VIL1: variants seen among roughly 807,000 people sequenced by gnomAD.
The protein encoded by VIL1 is villin 1, also known as villin-1.
VIL1 carries 86 observed loss-of-function variants against 104.0 expected under a neutral mutation model. The ratio of observed to expected loss-of-function variants is 0.83; its 90% confidence interval spans 0.69 to 0.99. The LOEUF (loss-of-function observed/expected upper bound fraction) is 0.99, where lower values mean the gene tolerates loss of function less well. VIL1 is among the 50% of genes least tolerant of loss of function. The probability of loss-of-function intolerance (pLI) is 0.00; values close to 1 mark genes in which losing one functional copy is unlikely to be tolerated. For missense variants in VIL1, 944 were observed against 1,054.1 expected, an observed-to-expected ratio of 0.90 and a Z score of 1.45; for synonymous variants, 394 against 412.6, an observed-to-expected ratio of 0.95 and a Z score of 0.55.
Position 218,429,474 on chromosome 2 carries a change from C to A in VIL1, c.757C>A (p.Leu253Ile), listed in dbSNP as rs770991574. 10 of 1,613,830 alleles carry A rather than the reference C, an allele frequency of 6.2e-6. No individual in the cohort carries two copies. The highest frequency in any genetic ancestry group is 2.2e-5 in the South Asian group (2 of 91,086). ...TVVEPALKAA[L>I]KLYHVSDSEG... Reference sequence around the variant, plus strand: ...GGTGGAGCCGGCACTCAAGGCTGCACTCAAACTGTACCAGTGAGCGCCCAG... The same window carrying A: ...GGTGGAGCCGGCACTCAAGGCTGCAATCAAACTGTACCAGTGAGCGCCCAG... The change falls in exon 7 of 20, where the codon CTC becomes ATC. Residue 253 changes from leucine (L) to isoleucine (I), a missense_variant. Coordinates refer to ENST00000248444, the MANE Select transcript of VIL1 (RefSeq NM_007127.3).
At chr2:218,428,469 T>G (rs2106391533) in intron 6 of VIL1, 132 bp downstream of exon 6, 1 of 733,188 alleles carries the variant, frequency 1.4e-6, no homozygotes, top group Non-Finnish European at 2.4e-6. Flanking sequence ...ATGTGTTTGG[T>G]GCAGGCATGC....
chr2:218,432,723 C>A, intron 12 of VIL1, 70 bp from the exon 13 acceptor site: 1 of 1,588,604 alleles, frequency 6.3e-7, no homozygotes, highest in Non-Finnish European at 8.6e-7. Context: ...GGAGTTGTTG[C>A]TGAGGCTGAG....
Position 218,428,320 on chromosome 2 carries a change from C to G in VIL1, c.550C>G (p.Arg184Gly), listed in dbSNP as rs751755248. 2 of 1,613,996 alleles carry G rather than the reference C, an allele frequency of 1.2e-6. No individual in the cohort carries two copies. Among genetic ancestry groups the G allele is most frequent in the Non-Finnish European group, 1.7e-6 (2 of 1,180,014 alleles). The change falls in exon 6 of 20, where the codon CGT (arginine) becomes GGT (glycine). Residue 184 changes from arginine (R) to glycine (G), a missense_variant. Physicochemically the swap from Arg to Gly is moderately radical, Grantham distance 125. Coordinates refer to ENST00000248444, the MANE Select transcript of VIL1 (RefSeq NM_007127.3). ...CCAGTGGAATGGACCGGAAAGCACC[C>G]GTATGGAGAGACTCAGGGTAAACCT... is the stretch of plus-strand genomic sequence containing the variant. The part of the protein sequence containing the change: ...IIQWNGPEST[R>G]MERLRGMTLA...
intron 13 of VIL1, among the ~76,000 whole-genome samples, chr2:218,433,937 C>G (rs1182553417): frequency 6.6e-6 from 1 of 150,560 alleles, no homozygotes; most frequent in Admixed American, 6.6e-5. Context: ...TGGCTCACAA[C>G]TGTAATCCCA....
rs148353573 is a variant in VIL1 at position 218,429,401 on chromosome 2, C to A, written c.684C>A (p.His228Gln). ...ASPKLMEVMNHVLGKRRELKA... is the reference protein window; with the variant it reads ...ASPKLMEVMNQVLGKRRELKA... ...CGAAGCTGATGGAGGTGATGAACCA[C>A]GTGCTGGGCAAGCGCAGGGAGCTGA... The change falls in exon 7 of 20, where the codon CAC becomes CAA. Residue 228 changes from histidine (H) to glutamine (Q), a missense_variant. By Grantham distance (24) the His-to-Gln change is conservative. Coordinates refer to ENST00000248444, the MANE Select transcript of VIL1 (RefSeq NM_007127.3). 6.5e-3 allele frequency: 10,510 copies of A among 1,614,126 alleles called. 57 individuals carry two copies. Among genetic ancestry groups the A allele is most frequent in the Middle Eastern group, 0.015 (91 of 6,062 alleles).
At position 218,435,298 on chromosome 2, in the gene VIL1, G is replaced by A. The variant is rs755731799; in HGVS notation, c.1690G>A (p.Gly564Arg). The change falls in exon 15 of 20, where the codon GGG becomes AGG. Residue 564 changes from glycine (G) to arginine (R), a missense_variant. By Grantham distance (125) the Gly-to-Arg change is moderately radical (BLOSUM62 -2). Coordinates refer to ENST00000248444, the MANE Select transcript of VIL1 (RefSeq NM_007127.3). ...CTCTTTTTTTTCCTAGGGTTGTAGC[G>A]GGGACGAGCGGGAGATGGCCAAGAT... is the stretch of plus-strand genomic sequence containing the variant. ...CYLWCGKGCS[G>R]DEREMAKMVA... 12 of 1,613,686 alleles carry A rather than the reference G, an allele frequency of 7.4e-6. No homozygotes were observed. Among genetic ancestry groups the A allele is most frequent in the African/African-American group, 2.7e-5 (2 of 74,906 alleles).
At chr2:218,446,455 G>A (rs1288262224) in intron 19 of VIL1, among the ~76,000 whole-genome samples, 5 of 152,004 alleles carry the variant, frequency 3.3e-5, no homozygotes, top group African/African-American at 1.2e-4. Flanking sequence ...GGCTGGTCTC[G>A]AACTCATGAC....
At chr2:218,421,119 T>A (rs902589902) in intron 1 of VIL1, among the ~76,000 whole-genome samples, 8 of 151,820 alleles carry the variant, frequency 5.3e-5, no homozygotes, top group Non-Finnish European at 1.0e-4. Flanking sequence ...TAGAAGAGCA[T>A]GTTAGTGTCA....
rs1391287760 is a variant in VIL1 at position 218,432,050 on chromosome 2, G to A, written c.1208G>A (p.Trp403Ter). ...CTGGCCTGATACTGGCCCTAGGTGT[G>A]GCGCATTGAGAACCTAGAGCTGGTA... Reference protein sequence around the residue: ...VDDGSGEVQVWRIENLELVPV... With the variant: ...VDDGSGEVQV Residue 403 changes from tryptophan (W) to a stop codon, truncating the protein, a stop_gained, in exon 12 of 20, where the codon TGG (tryptophan) becomes TAG (stop). Transcript: ENST00000248444. LOFTEE classifies it high-confidence loss of function. 2 of 1,614,078 alleles carry A rather than the reference G, an allele frequency of 1.2e-6. No individual in the cohort carries two copies. The highest frequency in any genetic ancestry group is 1.7e-6 in the Non-Finnish European group (2 of 1,179,996).
intron 3 of VIL1, among the ~76,000 whole-genome samples, chr2:218,424,735 C>A (rs1309322398): frequency 6.6e-6 from 1 of 152,128 alleles, no homozygotes; most frequent in Non-Finnish European, 1.5e-5. Flanking sequence ...CGGCTCACTG[C>A]AACCTCCACT....
At position 218,425,739 on chromosome 2, in the gene VIL1, G is replaced by T; in HGVS notation, c.275G>T (p.Arg92Leu). 1.2e-6 allele frequency: 2 copies of T among 1,614,202 alleles called. No individual in the cohort carries two copies. Among genetic ancestry groups the T allele is most frequent in the Non-Finnish European group, 1.7e-6 (2 of 1,180,032 alleles). The change falls in exon 4 of 20, where the codon CGG becomes CTG. Residue 92 changes from arginine (R) to leucine (L), a missense_variant. Coordinates refer to ENST00000248444, the MANE Select transcript of VIL1 (RefSeq NM_007127.3). ...CAGATGGATGACTTCCTGAAGGGCCGGGCTGTGCAGCACCGCGAGGTCCAG... is the reference window on the plus strand; with the variant it reads ...CAGATGGATGACTTCCTGAAGGGCCTGGCTGTGCAGCACCGCGAGGTCCAG... ...TTQMDDFLKGRAVQHREVQGN... is the reference protein window; with the variant it reads ...TTQMDDFLKGLAVQHREVQGN...
intron 2 of VIL1, 82 bp from the exon 3 acceptor site, chr2:218,424,195 C>T: frequency 7.9e-7 from 1 of 1,266,270 alleles, no homozygotes; most frequent in Non-Finnish European, 1.1e-6. Flanking sequence ...GTCTCCGACG[C>T]CTCCTCCCCT....
chr2:218,435,993 C>T (rs1469070971), intron 15 of VIL1, among the ~76,000 whole-genome samples: 1 of 152,302 alleles, frequency 6.6e-6, no homozygotes, highest in East Asian at 1.9e-4. Context: ...CGCCCACCAC[C>T]GTGCCCGGCT....
chr2:218,439,532 A>G (rs1225711081), intron 18 of VIL1, among the ~76,000 whole-genome samples: 1 of 152,060 alleles, frequency 6.6e-6, no homozygotes, highest in Non-Finnish European at 1.5e-5. Flanking sequence ...ACAGAAGTGT[A>G]TTTAGGCTGG....
chr2:218,429,940 A>G lies in VIL1; in HGVS notation c.941A>G (p.His314Arg). Residue 314 changes from histidine (H) to arginine (R), a missense_variant, in exon 9 of 20, where the codon CAT becomes CGT. Transcript: ENST00000248444. ...CAGGAGAAGAAGGGAGCCATGAGCC[A>G]TGCGCTGGTAGTGGTGGGGGCGGGG... ...NEQEKKGAMS[H>R]ALNFIKAKQY... 2 of 757,346 alleles carry G rather than the reference A, an allele frequency of 2.6e-6. No individual in the cohort carries two copies. The highest frequency in any genetic ancestry group is 1.9e-5 in the African/African-American group (1 of 53,498). 46.9% of individuals were successfully genotyped at this position (757,346 alleles called of 1,614,324 possible). A position where few individuals can be genotyped will look rare whatever the true frequency, so the allele number is the denominator to read the frequency against.
At chr2:218,434,442 T>G in intron 13 of VIL1, 84 bp from the exon 14 acceptor site, 1 of 1,365,002 alleles carries the variant, frequency 7.3e-7, no homozygotes, top group Non-Finnish European at 1.0e-6. Context: ...CTCCCCGCCC[T>G]ACCCTATCCC....
intron 1 of VIL1, among the ~76,000 whole-genome samples, chr2:218,421,624 C>T (rs1415412889): frequency 3.9e-5 from 6 of 152,122 alleles, no homozygotes; most frequent in African/African-American, 1.2e-4. Context: ...GGAGGGTATA[C>T]ACCAGGTAGG....
intron 19 of VIL1, among the ~76,000 whole-genome samples, chr2:218,447,237 G>A (rs2106398390): frequency 6.6e-6 from 1 of 152,338 alleles, no homozygotes; most frequent in Non-Finnish European, 1.5e-5. Context: ...TTGAGCCAAA[G>A]CAAAGTAGGG....
intron 9 of VIL1, 32 bp from the exon 10 acceptor site, chr2:218,430,693 G>T (rs768362911): frequency 1.3e-6 from 2 of 1,554,376 alleles, no homozygotes; most frequent in African/African-American, 2.7e-5. Context: ...TAGGGGAGGT[G>T]CATAGCTTCC....
Sources: allele counts gnomAD v4.1 joint callset (sites outside exome capture counted in the v4.1 genomes callset), GRCh38; gene constraint gnomAD v4.1.1; transcripts MANE v1.5; gene names NCBI Gene and HGNC (gene_info 2026-07-23, HGNC 2026-07-21).